The following PAH variants were observed in gnomAD, a reference collection of about 807,000 sequenced individuals.
The protein encoded by PAH is phenylalanine hydroxylase.
Under a neutral mutation model 62.0 loss-of-function variants are expected in PAH, and 64 were observed. That is an observed-to-expected ratio of 1.03 (90% CI 0.84 to 1.27). PAH has a LOEUF of 1.27. Among genes scored for constraint, PAH ranks in the 50% most tolerant of loss-of-function variants. PAH has a pLI of 0.00. For missense variants in PAH, 579 were observed against 542.8 expected (o/e 1.07, Z -0.66); for synonymous variants, 195 against 196.2 (o/e 0.99, Z 0.05).
intron 8 of PAH, among the ~76,000 whole-genome samples, chr12:102,849,808 G>A (rs993657360): frequency 4.6e-5 from 7 of 152,128 alleles, no homozygotes; most frequent in African/African-American, 1.7e-4. Flanking sequence ...CTGTGCTCCA[G>A]CCCCACTCCA....
In PAH at chr12:102,866,529, G is replaced by A. The variant is rs1440340997; in HGVS notation, c.509+67C>T. 10 of 1,235,808 alleles carry A rather than the reference G, an allele frequency of 8.1e-6. No individual in the cohort carries two copies. The East Asian group carries it at 1.6e-4, about 20-fold the overall frequency. The allele number at this position is 1,235,808 out of a possible 1,614,324, so 76.6% of individuals were successfully genotyped here. A position where few individuals can be genotyped will look rare whatever the true frequency, so the allele number is the denominator to read the frequency against. The stretch of plus-strand genomic sequence containing the variant: ...GTATTTTCCATCCTCAACTGGATGA[G>A]GGCAAGGGAGAAGCAGGCTAGGGGT... On this transcript the variant is annotated intron_variant, in intron 5 of 12. Coordinates refer to ENST00000553106, the MANE Select transcript of PAH (RefSeq NM_000277.3).
chr12:102,927,644 A>G (rs1416994926), intron 1 of PAH, among the ~76,000 whole-genome samples: 2 of 152,172 alleles, frequency 1.3e-5, no homozygotes, highest in Non-Finnish European at 2.9e-5. Context: ...TATTCAAATA[A>G]TAGCTGCAGC....
chr12:102,878,826 G>A (rs921549366), intron 3 of PAH, among the ~76,000 whole-genome samples: 2 of 152,132 alleles, frequency 1.3e-5, no homozygotes, highest in African/African-American at 2.4e-5. Context: ...TATTTCTGAC[G>A]TACCTTCAAA....
chr12:102,922,052 A>G (rs1878562452), upstream of PAH, among the ~76,000 whole-genome samples: 1 of 152,070 alleles, frequency 6.6e-6, no homozygotes, highest in Non-Finnish European at 1.5e-5. Context: ...CAGGCACCTG[A>G]TTCTCTTCTC....
intron 8 of PAH, among the ~76,000 whole-genome samples, chr12:102,848,482 ACCAGGAGAC>A (rs1874981952): frequency 7.0e-6 from 1 of 143,744 alleles, no homozygotes; most frequent in Non-Finnish European, 1.5e-5. Context: ...TAGACAGGAC[ACCAGGAGAC>A]TGGAGAGGTT....
intron 8 of PAH, among the ~76,000 whole-genome samples, chr12:102,850,022 G>T (rs1271319724): frequency 6.6e-6 from 1 of 152,320 alleles, no homozygotes; most frequent in Non-Finnish European, 1.5e-5. Flanking sequence ...GGCTTAAGGA[G>T]GACTGCCACT....
intron 2 of PAH, among the ~76,000 whole-genome samples, chr12:102,900,796 G>A (rs1877722060): frequency 6.6e-6 from 1 of 152,116 alleles, no homozygotes; most frequent in Non-Finnish European, 1.5e-5. Flanking sequence ...TTTTCAACAA[G>A]AGGTTTGTGT....
In PAH at chr12:102,838,163, C is replaced by T. The variant is rs1874438994; in HGVS notation, c.*1012G>A. On this transcript the variant is annotated 3_prime_UTR_variant, in exon 13 of 13. Transcript: ENST00000553106. ...ATCAACAAAAGTCAAAGTCCGTTGA[C>T]TGTCCAGGCATGACTTTGAGTGTCA... 6.6e-6 allele frequency: 1 copy of T among 152,172 alleles called. No homozygotes were observed. Among genetic ancestry groups the T allele is most frequent in the African/African-American group, 2.4e-5 (1 of 41,450 alleles). 9.4% of individuals were successfully genotyped at this position (152,172 alleles called of 1,614,324 possible). A position where few individuals can be genotyped will look rare whatever the true frequency, so the allele number is the denominator to read the frequency against.
At chr12:102,896,579 A>G (rs1350700535) in intron 2 of PAH, among the ~76,000 whole-genome samples, 2 of 152,202 alleles carry the variant, frequency 1.3e-5, no homozygotes, top group African/African-American at 2.4e-5. Context: ...GGCTATGTCT[A>G]TGTTGGTGGG....
At chr12:102,953,076 A>G (rs545945389), upstream of PAH, among the ~76,000 whole-genome samples, 1 of 152,334 alleles carries the variant, frequency 6.6e-6, no homozygotes, top group Admixed American at 6.5e-5. Flanking sequence ...CAGACACCCC[A>G]GCAGGACAGA....
In PAH at chr12:102,957,167, G is replaced by A. The variant is rs1178733716; in HGVS notation, c.-96+1028C>T. Reference sequence around the variant, plus strand: ...GGAGAGAGAGAAAACAGGAAAAGTCGAGCCCCACTCCCTCCTCACCTCCAC... The same window carrying A: ...GGAGAGAGAGAAAACAGGAAAAGTCAAGCCCCACTCCCTCCTCACCTCCAC... On this transcript the variant is annotated intron_variant, in intron 1 of 4. Transcript: ENST00000551337. The surrounding 1 kb of genome is among the most constrained non-coding windows in gnomAD (Gnocchi z 4.1). Among the ~76,000 whole-genome samples, 1 of 152,082 alleles carries A rather than the reference G, an allele frequency of 6.6e-6. No homozygotes were observed. The highest frequency in any genetic ancestry group is 1.9e-4 in the East Asian group (1 of 5,182).
In PAH at chr12:102,855,251, C is replaced by G. The variant is rs281865442; in HGVS notation, c.591G>C (p.Leu197Phe). 2 of 1,614,046 alleles carry G rather than the reference C, an allele frequency of 1.2e-6. No homozygotes were observed. Among genetic ancestry groups the G allele is most frequent in the Middle Eastern group, 1.7e-4 (1 of 6,060 alleles). ...ACTCATAGCAAGCATGGGTTTTATA[C>G]AAGGACTTCAGAGTCTTGAACACTG... ...WGTVFKTLKSLYKTHACYEYN... is the reference protein window; with the variant it reads ...WGTVFKTLKSFYKTHACYEYN... Residue 197 changes from leucine to phenylalanine, a missense_variant, in exon 6 of 13, where the codon TTG (leucine) becomes TTC (phenylalanine). Physicochemically the swap from Leu to Phe is conservative, Grantham distance 22 (BLOSUM62 0). Transcript: ENST00000553106.
upstream of PAH, among the ~76,000 whole-genome samples, chr12:102,917,942 C>A (rs561151212): frequency 6.6e-6 from 1 of 152,314 alleles, no homozygotes; most frequent in East Asian, 1.9e-4. Context: ...TGTTTAAAAG[C>A]AAATCCACAT....
chr12:102,895,865 A>ATAT (rs1555208116), intron 2 of PAH, among the ~76,000 whole-genome samples: 50 of 129,502 alleles, frequency 3.9e-4, no homozygotes, highest in African/African-American at 1.4e-3. Flanking sequence ...AAAAAAAAAA[A>ATAT]AAAAATATAT....
intron 1 of PAH, among the ~76,000 whole-genome samples, chr12:102,933,128 C>G (rs1878979359): frequency 6.6e-6 from 1 of 152,146 alleles, no homozygotes. Flanking sequence ...CACCACCACA[C>G]TATCCTTCTC....
intron 1 of PAH, among the ~76,000 whole-genome samples, chr12:102,935,250 T>C (rs1292610509): frequency 6.6e-6 from 1 of 152,140 alleles, no homozygotes; most frequent in Non-Finnish European, 1.5e-5. Context: ...AAATCTCACG[T>C]GGTCTTGATG....
chr12:102,936,864 A>G (rs1287961277), intron 1 of PAH, among the ~76,000 whole-genome samples: 1 of 151,914 alleles, frequency 6.6e-6, no homozygotes, highest in Non-Finnish European at 1.5e-5. Context: ...GGAGAGTGAT[A>G]TGGTTTGGCT....
intron 1 of PAH, among the ~76,000 whole-genome samples, chr12:102,934,765 T>G (rs753199539): frequency 6.6e-6 from 1 of 152,170 alleles, no homozygotes; most frequent in Non-Finnish European, 1.5e-5. Flanking sequence ...CTATGTTAAT[T>G]TTATATCCTG....
chr12:102,864,941 T>C (rs187418609), intron 5 of PAH, among the ~76,000 whole-genome samples: 44 of 152,312 alleles, frequency 2.9e-4, no homozygotes, highest in African/African-American at 9.9e-4. Context: ...GGCTTTTAAT[T>C]TTTTAAAAAG....
Sources: allele counts gnomAD v4.1 joint callset (sites outside exome capture counted in the v4.1 genomes callset), GRCh38; gene constraint gnomAD v4.1.1; non-coding constraint Gnocchi (gnomAD v3.1); transcripts MANE v1.5; gene names NCBI Gene and HGNC (gene_info 2026-07-23, HGNC 2026-07-21).